Variants in SREBF1 observed in about 807,000 individuals in gnomAD.
SREBF1 encodes the protein sterol regulatory element binding transcription factor 1.
SREBF1 carries 45 observed loss-of-function variants against 100.1 expected under a neutral mutation model. The ratio of observed to expected loss-of-function variants is 0.45; its 90% CI spans 0.35 to 0.58. The LOEUF (loss-of-function observed/expected upper bound fraction) is 0.58, where lower values mean the gene tolerates loss of function less well. Ranked by LOEUF, SREBF1 falls within the 20% of genes least tolerant of loss-of-function variation. The pLI is 0.00. For missense variants in SREBF1, 1,324 were observed against 1,539.4 expected, an observed-to-expected ratio of 0.86 and a Z score of 2.34; for synonymous variants, 657 against 681.8, an observed-to-expected ratio of 0.96 and a Z score of 0.57.
chr17:17,816,991 C>T lies in SREBF1; in HGVS notation c.1752G>A (p.Arg584=), dbSNP rs760339970. ...GGTCCAGGTCAGCCTGCTTGCGATG[C>T]CTCCAGAAGTACACGGCGGGGCCTG... is the stretch of plus-strand genomic sequence containing the variant. ...PHSGPAVYFW[R]HRKQADLDLA... is the part of the protein sequence containing the mutation. The change falls in exon 9 of 19, where the codon AGG becomes AGA. Residue 584 remains arginine (R), a synonymous_variant. Transcript: ENST00000261646. The T allele has an allele frequency of 5.0e-6, 8 of 1,612,960 alleles. No homozygotes were observed. Among genetic ancestry groups the T allele is most frequent in the Non-Finnish European group, 6.8e-6 (8 of 1,180,040 alleles).
At chr17:17,814,990 TA>T in intron 13 of SREBF1, 46 bp from the exon 14 acceptor site, 1 of 1,521,636 alleles carries the variant, frequency 6.6e-7, no homozygotes, top group Non-Finnish European at 8.9e-7. Context: ...GCAGGGGTCC[TA>T]GGAGGGTGCT....
At chr17:17,814,431 GAGTGCCAGTCAGACC>G in intron 15 of SREBF1, 21 bp from the exon 16 acceptor site, 1 of 1,551,368 alleles carries the variant, frequency 6.4e-7, no homozygotes, top group Non-Finnish European at 8.7e-7. Context: ...CAGGGCAGAA[GAGTGCCAGTCAGACC>G]AGTCCACAAG....
chr17:17,813,484 G>A lies in SREBF1; in HGVS notation c.3103-5C>T. The A allele has an allele frequency of 1.9e-6, 3 of 1,595,710 alleles. No individual in the cohort carries two copies. Among genetic ancestry groups the A allele is most frequent in the Non-Finnish European group, 2.6e-6 (3 of 1,171,310 alleles). On this transcript the variant is annotated splice_region_variant and splice_polypyrimidine_tract_variant and intron_variant, in intron 17 of 18. Transcript: ENST00000261646. ...CGTGGCCTCATGTAGGAACACCTGGGGGCCAGGAGAGTGGAGGCTCAGGGC... is the reference window on the plus strand; with the variant it reads ...CGTGGCCTCATGTAGGAACACCTGGAGGCCAGGAGAGTGGAGGCTCAGGGC...
chr17:17,834,360 G>A (rs2035098357), intron 1 of SREBF1, among the ~76,000 whole-genome samples: 3 of 152,224 alleles, frequency 2.0e-5, no homozygotes, highest in Admixed American at 6.5e-5. Flanking sequence ...CAAGTGCTGG[G>A]ATTATAGGTG....
chr17:17,811,700 A>T lies in SREBF1; in HGVS notation c.*922T>A. 2.2e-6 allele frequency: 1 copy of T among 454,626 alleles called. No homozygotes were observed. The highest frequency in any genetic ancestry group is 4.4e-6 in the Non-Finnish European group (1 of 226,196). 28.2% of individuals were successfully genotyped at this position (454,626 alleles called of 1,614,324 possible). On this transcript the variant is annotated 3_prime_UTR_variant, in exon 19 of 19. Transcript: ENST00000261646. The stretch of plus-strand genomic sequence containing the variant: ...GGATGGGGGAGGTGAGACGTGCCAG[A>T]CTTCTTGCAGGGAGACCCAAGCTGT...
At position 17,814,926 on chromosome 17, in the gene SREBF1, G is replaced by A. The variant is rs773187533; in HGVS notation, c.2511C>T (p.Leu837=). Residue 837 remains leucine (L), a synonymous_variant, in exon 14 of 19, where the codon CTC becomes CTT. Transcript: ENST00000261646. ...ADGDKEFSDA[L]GYLQLLNSCS... is the part of the protein sequence containing the mutation. Reference sequence around the variant, plus strand: ...AGCTGTTCAGCAGCTGCAGGTACCCGAGGGCATCCGAGAATTCCCTGTGGA... The same window carrying A: ...AGCTGTTCAGCAGCTGCAGGTACCCAAGGGCATCCGAGAATTCCCTGTGGA... The A allele has an allele frequency of 1.1e-5, 18 of 1,568,540 alleles. No individual in the cohort carries two copies. The highest frequency in any genetic ancestry group is 4.7e-5 in the South Asian group (4 of 85,726).
chr17:17,820,929 C>T, intron 1 of SREBF1: 1 of 290,288 alleles, frequency 3.4e-6, no homozygotes, highest in Non-Finnish European at 6.7e-6. Flanking sequence ...ACAGCAGGCT[C>T]ACATTCATTC....
chr17:17,836,179 G>A (rs373711886), intron 1 of SREBF1, among the ~76,000 whole-genome samples: 80 of 152,402 alleles, frequency 5.2e-4, no homozygotes, highest in Middle Eastern at 3.4e-3. Flanking sequence ...GGCATTCGGT[G>A]GATGTCAGTG....
chr17:17,812,916 C>T, intron 18 of SREBF1, 65 bp from the exon 19 acceptor site: 1 of 1,398,692 alleles, frequency 7.1e-7, no homozygotes, highest in South Asian at 1.5e-5. Flanking sequence ...GGAGCCCTGC[C>T]CACACACAAG....
In SREBF1 at chr17:17,815,290, T is replaced by C; in HGVS notation, c.2423A>G (p.His808Arg). The change falls in exon 13 of 19, where the codon CAT becomes CGT. Residue 808 changes from histidine to arginine, a missense_variant. Coordinates refer to ENST00000261646, the MANE Select transcript of SREBF1 (RefSeq NM_004176.5). ...ACAGTTCAGTGCTCGCTCTAAGAGA[T>C]GTTCCCGGAATAGCTGAGTCACCTG... ...LAQVTQLFREHLLERALNCVT... is the reference protein window; with the variant it reads ...LAQVTQLFRERLLERALNCVT... 1 of 1,613,568 alleles carries C rather than the reference T, an allele frequency of 6.2e-7. No individual in the cohort carries two copies. Among genetic ancestry groups the C allele is most frequent in the Non-Finnish European group, 8.5e-7 (1 of 1,179,950 alleles).
At chr17:17,827,497 TC>T (rs1441697398) in intron 1 of SREBF1, among the ~76,000 whole-genome samples, 1 of 152,202 alleles carries the variant, frequency 6.6e-6, no homozygotes, top group Non-Finnish European at 1.5e-5. Context: ...ACTTCCTTGA[TC>T]CTCCTAACTG....
In SREBF1 at chr17:17,815,498, C is replaced by T. The variant is rs530496771; in HGVS notation, c.2384-169G>A. The T allele has an allele frequency of 2.7e-4, 166 of 617,632 alleles. 1 individual carries two copies. The highest frequency in any genetic ancestry group is 1.7e-3 in the South Asian group (87 of 52,416). The allele number at this position is 617,632 out of a possible 1,614,324, so 38.3% of individuals were successfully genotyped here. On this transcript the variant is annotated intron_variant, in intron 12 of 18. Transcript: ENST00000261646. ...GACAGGGGAAAGCGGGTGGACATAA[C>T]TATCACCAGCACCAGCCTTGGCCAG...
chr17:17,813,955 A>C (rs1382130144), intron 16 of SREBF1, 186 bp from the exon 17 acceptor site: 3 of 713,210 alleles, frequency 4.2e-6, no homozygotes, highest in Non-Finnish European at 7.0e-6. Flanking sequence ...CACACCCGCC[A>C]CCGGCCCGGG....
In SREBF1 at chr17:17,814,396, C is replaced by A; in HGVS notation, c.2750G>T (p.Arg917Met). 1 of 1,558,422 alleles carries A rather than the reference C, an allele frequency of 6.4e-7. No individual in the cohort carries two copies. The highest frequency in any genetic ancestry group is 8.7e-7 in the Non-Finnish European group (1 of 1,151,234). Reference sequence around the variant, plus strand: ...AGCCTTGAAGGAGTGCAGAGCTGCCCTGGGCAGGGGTCTCCTGTTGGGACC... The same window carrying A: ...AGCCTTGAAGGAGTGCAGAGCTGCCATGGGCAGGGGTCTCCTGTTGGGACC... ...VLQESERPLP[R>M]AALHSFKAAR... Residue 917 changes from arginine (R) to methionine (M), a missense_variant, in exon 16 of 19, where the codon AGG becomes ATG. Transcript: ENST00000261646.
chr17:17,812,634 G>A lies in SREBF1; in HGVS notation c.3432C>T (p.Val1144=). ...MLMRLGGGTT[V]TSS Reference sequence around the variant, plus strand: ...GGGGACACGGGGTCTAGCTGGAAGTGACAGTGGTCCCACCGCCCAGGCGCA... The same window carrying A: ...GGGGACACGGGGTCTAGCTGGAAGTAACAGTGGTCCCACCGCCCAGGCGCA... Residue 1144 remains valine, a synonymous_variant, in exon 19 of 19, where the codon GTC becomes GTT. Transcript: ENST00000261646. 6.2e-7 allele frequency: 1 copy of A among 1,605,064 alleles called. No homozygotes were observed. Among genetic ancestry groups the A allele is most frequent in the Non-Finnish European group, 8.5e-7 (1 of 1,175,828 alleles).
intron 1 of SREBF1, among the ~76,000 whole-genome samples, chr17:17,829,483 G>A (rs902090075): frequency 6.6e-6 from 1 of 151,964 alleles, no homozygotes; most frequent in Non-Finnish European, 1.5e-5. Context: ...TACTTTTGGT[G>A]GCTTTGCTTA....
At chr17:17,815,630 C>A in intron 12 of SREBF1, 1 of 606,566 alleles carries the variant, frequency 1.6e-6, no homozygotes. Context: ...TGCCTGGGGT[C>A]ACTTCTCCAA....
At position 17,819,577 on chromosome 17, in the gene SREBF1, A is replaced by G. The variant is rs371247619; in HGVS notation, c.672T>C (p.Pro224=). 2.7e-4 allele frequency: 442 copies of G among 1,613,638 alleles called. 3 individuals carry two copies. Among genetic ancestry groups the G allele is most frequent in the Admixed American group, 1.2e-4 (7 of 59,996 alleles). Residue 224 remains proline, a synonymous_variant, in exon 3 of 19, where the codon CCT becomes CCC. Transcript: ENST00000261646. ...TCTGCGAGGTCACAGTGGTCGTTACAGGGGCTGCCGTGGGGGCAGCTGTGA... is the reference window on the plus strand; with the variant it reads ...TCTGCGAGGTCACAGTGGTCGTTACGGGGGCTGCCGTGGGGGCAGCTGTGA... ...LTVTAAPTAA[P]VTTTVTSQIQ...
At chr17:17,823,273 C>A (rs1328384043) in intron 1 of SREBF1, among the ~76,000 whole-genome samples, 1 of 152,214 alleles carries the variant, frequency 6.6e-6, no homozygotes, top group African/African-American at 2.4e-5. Flanking sequence ...TCCAAACCCT[C>A]TTAGGTCGGG....
Sources: allele counts gnomAD v4.1 joint callset (sites outside exome capture counted in the v4.1 genomes callset), GRCh38; gene constraint gnomAD v4.1.1; transcripts MANE v1.5; gene names NCBI Gene and HGNC (gene_info 2026-07-23, HGNC 2026-07-21).